The following HMGA1 variants were observed in gnomAD, a reference collection of about 807,000 sequenced individuals.
The protein encoded by HMGA1 is high mobility group AT-hook 1, also known as high mobility group protein HMG-I/HMG-Y.
Under a neutral mutation model 15.1 loss-of-function variants are expected in HMGA1, and 1 was observed. The ratio of observed to expected loss-of-function variants is 0.07; its 90% CI spans 0.02 to 0.31. HMGA1 has a LOEUF of 0.31. Among genes scored for constraint, HMGA1 ranks in the 10% least tolerant of loss-of-function variants. The pLI is 1.00. For missense variants in HMGA1, 94 were observed against 141.4 expected (o/e 0.66, Z 1.70); for synonymous variants, 56 against 54.8 (o/e 1.02, Z -0.10).
chr6:34,237,972 G>C (rs1176278539), intron 2 of HMGA1, among the ~76,000 whole-genome samples: 1 of 152,034 alleles, frequency 6.6e-6, no homozygotes, highest in Non-Finnish European at 1.5e-5. Context: ...CCTGCCCTCC[G>C]CCCCCACAAA....
intron 5 of HMGA1, 78 bp downstream of exon 5, chr6:34,243,596 T>C: frequency 8.7e-7 from 1 of 1,148,254 alleles, no homozygotes; most frequent in South Asian, 1.2e-5. Flanking sequence ...TACCTGATGC[T>C]ATGCACCCCC....
intron 5 of HMGA1, among the ~76,000 whole-genome samples, chr6:34,243,772 C>T (rs1762489324): frequency 6.6e-6 from 1 of 152,142 alleles, no homozygotes; most frequent in Admixed American, 6.5e-5. Flanking sequence ...GGGGGTCCCT[C>T]CCTCTCCTGC....
intron 2 of HMGA1, among the ~76,000 whole-genome samples, chr6:34,238,401 G>C (rs2780224): frequency 6.6e-6 from 1 of 152,224 alleles, no homozygotes; most frequent in Non-Finnish European, 1.5e-5. Context: ...AAAGTGTCGG[G>C]TTGAAAGGGT....
rs558332304 is a variant in HMGA1 at position 34,246,210 on chromosome 6, A to T, written c.*1326A>T. 2.4e-4 allele frequency: 68 copies of T among 280,640 alleles called. No individual in the cohort carries two copies. Among genetic ancestry groups the T allele is most frequent in the Middle Eastern group, 9.9e-4 (1 of 1,006 alleles). The allele number at this position is 280,640 out of a possible 1,614,324, so 17.4% of individuals were successfully genotyped here. A position where few individuals can be genotyped will look rare whatever the true frequency, so the allele number is the denominator to read the frequency against. ...GTTTCCTATTTGCAGTTACTTGAAT[A>T]AAAAAAATATCCTTTTCTGGACTGG... On this transcript the variant is annotated 3_prime_UTR_variant, in exon 6 of 6. Coordinates refer to ENST00000311487, the MANE Select transcript of HMGA1 (RefSeq NM_145899.3).
At chr6:34,238,672 C>T (rs185660737) in intron 2 of HMGA1, 4 of 152,384 alleles carry the variant, frequency 2.6e-5, no homozygotes, top group Non-Finnish European at 5.9e-5. Context: ...AATGTAGTTC[C>T]TCCAAGACAG....
chr6:34,238,023 C>T (rs1761954206), intron 2 of HMGA1, among the ~76,000 whole-genome samples: 1 of 152,140 alleles, frequency 6.6e-6, no homozygotes, highest in African/African-American at 2.4e-5. Flanking sequence ...GAACTAGTCC[C>T]TTTGACTCCC....
rs761589586 is a variant in HMGA1 at position 34,244,889 on chromosome 6, T to TG, written c.*6dup. Reference sequence around the variant, plus strand: ...TCCTCGGAGGAGGAGCAGTGACCCATGCGTGCCGCCTGCTCCTCACTGGAG... The same window carrying TG: ...TCCTCGGAGGAGGAGCAGTGACCCATGGCGTGCCGCCTGCTCCTCACTGGAG... On this transcript the variant is annotated 3_prime_UTR_variant, in exon 6 of 6. Transcript: ENST00000311487. The TG allele has an allele frequency of 3.9e-6, 6 of 1,556,972 alleles. No individual in the cohort carries two copies. In the South Asian group the frequency reaches 5.9e-5, roughly 15 times the overall value.
At position 34,245,571 on chromosome 6, in the gene HMGA1, AG is replaced by A; in HGVS notation, c.*688del. 1 of 1,380,276 alleles carries A rather than the reference AG, an allele frequency of 7.2e-7. No individual in the cohort carries two copies. The highest frequency in any genetic ancestry group is 1.2e-5 in the South Asian group (1 of 81,320). The allele number at this position is 1,380,276 out of a possible 1,614,324, so 85.5% of individuals were successfully genotyped here. Reference sequence around the variant, plus strand: ...CCTACTCCCTCTTCACTGTGGCCACAGCCCCCTTGCCCTCCGCCTGGGATCT... The same window carrying A: ...CCTACTCCCTCTTCACTGTGGCCACACCCCCTTGCCCTCCGCCTGGGATCT... On this transcript the variant is annotated 3_prime_UTR_variant, in exon 6 of 6. Transcript: ENST00000311487.
Position 34,246,014 on chromosome 6 carries a change from G to A in HMGA1, c.*1130G>A. On this transcript the variant is annotated 3_prime_UTR_variant, in exon 6 of 6. Transcript: ENST00000311487. The stretch of plus-strand genomic sequence containing the variant: ...AGAGGGGCTGGGGCATGGCAGGCTG[G>A]GTGACCGACTACCCCAGTCCCAGGG... 3.8e-6 allele frequency: 1 copy of A among 266,572 alleles called. No homozygotes were observed. Among genetic ancestry groups the A allele is most frequent in the Admixed American group, 5.2e-5 (1 of 19,410 alleles). 16.5% of individuals were successfully genotyped at this position (266,572 alleles called of 1,614,324 possible).
At position 34,244,290 on chromosome 6, in the gene HMGA1, C is replaced by T. The variant is rs533029772; in HGVS notation, c.271-541C>T. The stretch of plus-strand genomic sequence containing the variant: ...AGCCCCGTGTGGTGTCCCGACATTC[C>T]CGCCCAGTGAGTGAGCCCCGGCGGC... On this transcript the variant is annotated intron_variant, in intron 5 of 5. Coordinates refer to ENST00000311487, the MANE Select transcript of HMGA1 (RefSeq NM_145899.3). 4.3e-4 allele frequency among the ~76,000 whole-genome samples: 66 copies of T among 152,220 alleles called. No individual in the cohort carries two copies. The Middle Eastern group carries it at 0.01, about 24-fold the overall frequency.
intron 2 of HMGA1, among the ~76,000 whole-genome samples, chr6:34,239,459 T>G (rs1762117544): frequency 1.3e-5 from 2 of 152,086 alleles, no homozygotes. Context: ...GAGTGAAGAT[T>G]TCTTTCTATT....
Position 34,246,080 on chromosome 6 carries a change from C to T in HMGA1, c.*1196C>T, listed in dbSNP as rs375086146. 22 of 248,552 alleles carry T rather than the reference C, an allele frequency of 8.9e-5. No individual in the cohort carries two copies. Among genetic ancestry groups the T allele is most frequent in the Non-Finnish European group, 1.3e-4 (16 of 127,856 alleles). 15.4% of individuals were successfully genotyped at this position (248,552 alleles called of 1,614,324 possible). A position where few individuals can be genotyped will look rare whatever the true frequency, so the allele number is the denominator to read the frequency against. On this transcript the variant is annotated 3_prime_UTR_variant, in exon 6 of 6. Coordinates refer to ENST00000311487, the MANE Select transcript of HMGA1 (RefSeq NM_145899.3). Reference sequence around the variant, plus strand: ...CCCTAGGATGCTGCAGCAGAGTGAGCAAGGGGGCCCAAATCGACCATAAAG... The same window carrying T: ...CCCTAGGATGCTGCAGCAGAGTGAGTAAGGGGGCCCAAATCGACCATAAAG...
At position 34,244,846 on chromosome 6, in the gene HMGA1, G is replaced by A; in HGVS notation, c.286G>A (p.Glu96Lys). 1 of 1,572,214 alleles carries A rather than the reference G, an allele frequency of 6.4e-7. No individual in the cohort carries two copies. The highest frequency in any genetic ancestry group is 8.6e-7 in the Non-Finnish European group (1 of 1,159,138). ...RPKKLEKEEE[E>K]GISQESSEEE... ...CACCTCACAGGAGAAGGAGGAAGAG[G>A]AGGGCATCTCGCAGGAGTCCTCGGA... The change falls in exon 6 of 6, where the codon GAG becomes AAG. Residue 96 changes from glutamate (E) to lysine (K), a missense_variant. Glu to Lys is a moderately conservative substitution (Grantham distance 56). Coordinates refer to ENST00000311487, the MANE Select transcript of HMGA1 (RefSeq NM_145899.3).
At chr6:34,241,268 A>G (rs1175079156) in intron 3 of HMGA1, among the ~76,000 whole-genome samples, 1 of 152,236 alleles carries the variant, frequency 6.6e-6, no homozygotes, top group Non-Finnish European at 1.5e-5. Flanking sequence ...AAAATGCAGT[A>G]AAGACGAATG....
intron 2 of HMGA1, among the ~76,000 whole-genome samples, chr6:34,239,726 C>T (rs1300305653): frequency 6.6e-6 from 1 of 152,100 alleles, no homozygotes; most frequent in Non-Finnish European, 1.5e-5. Flanking sequence ...CCTTTTTAAG[C>T]CTGTAATACA....
chr6:34,242,693 A>G lies in HMGA1; in HGVS notation c.136-19A>G, dbSNP rs1762399821. The G allele has an allele frequency of 4.6e-6, 7 of 1,537,396 alleles. No homozygotes were observed. Among genetic ancestry groups the G allele is most frequent in the Non-Finnish European group, 6.2e-6 (7 of 1,130,196 alleles). On this transcript the variant is annotated intron_variant, in intron 3 of 5. Transcript: ENST00000311487. ...AAACAGGTGATGACTGTCCCTGACT[A>G]CCCCCTCTGTCTTTACAGAAGGAGC...
At position 34,239,281 on chromosome 6, in the gene HMGA1, C is replaced by T. The variant is rs963791968; in HGVS notation, c.-44-1456C>T. 5.4e-3 allele frequency among the ~76,000 whole-genome samples: 666 copies of T among 124,438 alleles called. 2 individuals are homozygous for T. Among genetic ancestry groups the T allele is most frequent in the Admixed American group, 7.9e-3 (99 of 12,480 alleles). 81.6% of individuals were successfully genotyped at this position (124,438 alleles called of 152,430 possible). A position where few individuals can be genotyped will look rare whatever the true frequency, so the allele number is the denominator to read the frequency against. ...ACTCTTTTTCTTCTTTTTTTTTTTT[C>T]TTTTAAATTAGACATGGGAGTCCCA... On this transcript the variant is annotated intron_variant, in intron 2 of 5. Coordinates refer to ENST00000311487, the MANE Select transcript of HMGA1 (RefSeq NM_145899.3).
chr6:34,245,126 G>A lies in HMGA1; in HGVS notation c.*242G>A, dbSNP rs188629081. 960 of 1,039,886 alleles carry A rather than the reference G, an allele frequency of 9.2e-4. 4 individuals carry two copies. In the African/African-American group the frequency reaches 0.013, roughly 14 times the overall value. 64.4% of individuals were successfully genotyped at this position (1,039,886 alleles called of 1,614,324 possible). On this transcript the variant is annotated 3_prime_UTR_variant, in exon 6 of 6. Coordinates refer to ENST00000311487, the MANE Select transcript of HMGA1 (RefSeq NM_145899.3). Reference sequence around the variant, plus strand: ...CTGGCCTCAGTTCCCAGCTCCCCCCGCCCACCCACGCATACACACATGCCC... The same window carrying A: ...CTGGCCTCAGTTCCCAGCTCCCCCCACCCACCCACGCATACACACATGCCC...
intron 2 of HMGA1, among the ~76,000 whole-genome samples, 166 bp downstream of exon 2, chr6:34,237,483 C>T (rs935171421): frequency 1.4e-5 from 2 of 143,704 alleles, no homozygotes; most frequent in Non-Finnish European, 3.1e-5. Flanking sequence ...CCGCGCGGCG[C>T]GGGGGCGGGC....
Sources: gnomAD v4.1 joint callset for allele counts (sites outside exome capture counted in the v4.1 genomes callset) on GRCh38, gnomAD v4.1.1 for gene constraint, MANE v1.5 for transcripts, NCBI Gene and HGNC (gene_info 2026-07-23, HGNC 2026-07-21) for gene names.